TMEM71: variants seen among roughly 807,000 people sequenced by gnomAD.
The protein encoded by TMEM71 is transmembrane protein 71.
A neutral mutation model predicts 38.0 loss-of-function variants in TMEM71; 44 were observed. The observed-to-expected ratio is 1.16, with a 90% CI of 0.91 to 1.49. The LOEUF (loss-of-function observed/expected upper bound fraction) is 1.49, where lower values mean the gene tolerates loss of function less well. Ranked by LOEUF, TMEM71 falls within the 40% of genes most tolerant of loss-of-function variation. The pLI, the probability that TMEM71 is intolerant of heterozygous loss-of-function variation, is 0.00. For synonymous variants in TMEM71, 133 were observed against 122.5 expected (o/e 1.09, Z -0.56); for missense variants, 367 against 348.6 (o/e 1.05, Z -0.42).
chr8:132,757,220 G>A lies in TMEM71; in HGVS notation c.101+14C>T, dbSNP rs372038142. 45 of 1,595,012 alleles carry A rather than the reference G, an allele frequency of 2.8e-5. No homozygotes were observed. In the African/African-American group the frequency reaches 5.6e-4, roughly 20 times the overall value. Reference sequence around the variant, plus strand: ...CAGAATGATTATTTTTTTAAAAGAAGCCCCATAGTATACCTTGGGAAAATG... The same window carrying A: ...CAGAATGATTATTTTTTTAAAAGAAACCCCATAGTATACCTTGGGAAAATG... On this transcript the variant is annotated intron_variant, in intron 3 of 9. Coordinates refer to ENST00000677595, the MANE Select transcript of TMEM71 (RefSeq NM_001382403.1).
chr8:132,755,171 T>C (rs1200833168), intron 3 of TMEM71, among the ~76,000 whole-genome samples: 1 of 152,192 alleles, frequency 6.6e-6, no homozygotes, highest in Non-Finnish European at 1.5e-5. Flanking sequence ...GTCTTCAACA[T>C]TCAACAGTTA....
chr8:132,741,289 G>C (rs917669402), intron 5 of TMEM71, among the ~76,000 whole-genome samples: 12 of 152,210 alleles, frequency 7.9e-5, no homozygotes, highest in African/African-American at 2.4e-4. Context: ...CTTGAACCAG[G>C]GAGACGGAGG....
the TMEM71 span, among the ~76,000 whole-genome samples, chr8:132,773,661 G>A: frequency 6.6e-6 from 1 of 152,192 alleles, no homozygotes. Flanking sequence ...TGCCACAGAT[G>A]TGGGAGAAAA....
At chr8:132,761,545 G>A (rs143986711), upstream of TMEM71, among the ~76,000 whole-genome samples, 2,923 of 152,296 alleles carry the variant, frequency 0.019, 50 homozygotes, top group Non-Finnish European at 0.027. Context: ...TCCCCCTGAG[G>A]TTCTGCCACA....
Position 132,751,821 on chromosome 8 carries a change from G to T in TMEM71, c.278C>A (p.Ser93Tyr). 2 of 1,613,842 alleles carry T rather than the reference G, an allele frequency of 1.2e-6. No homozygotes were observed. The highest frequency in any genetic ancestry group is 8.5e-7 in the Non-Finnish European group (1 of 1,180,040). The change falls in exon 4 of 10, where the codon TCC becomes TAC. Residue 93 changes from serine to tyrosine, a missense_variant. By Grantham distance (144) the Ser-to-Tyr change is moderately radical (BLOSUM62 -2). Transcript: ENST00000677595. ...CTCCTTATACATAACGCTGGTCTGG[G>T]ATGGGTTCAGAGTTATGTTGCCATC... ...DKDGNITLNP[S>Y]QTSVMYKENL...
chr8:132,775,422 G>GGCGATGGCA, the TMEM71 span: 2 of 385,396 alleles, frequency 5.2e-6, no homozygotes, highest in South Asian at 1.3e-4. Flanking sequence ...CGGCGGCGGC[G>GGCGATGGCA]GCGATGGCAG....
At chr8:132,756,911 A>G (rs896096275) in intron 3 of TMEM71, among the ~76,000 whole-genome samples, 1 of 151,360 alleles carries the variant, frequency 6.6e-6, no homozygotes, top group Non-Finnish European at 1.5e-5. Flanking sequence ...TTTTTTAGAC[A>G]AGTCTCTCTC....
chr8:132,740,619 G>A (rs889938264), intron 5 of TMEM71, among the ~76,000 whole-genome samples: 2 of 152,178 alleles, frequency 1.3e-5, no homozygotes, highest in African/African-American at 4.8e-5. Context: ...CATAAGTAAA[G>A]CCACAGATGT....
chr8:132,736,158 C>T (rs1827733234), intron 5 of TMEM71, among the ~76,000 whole-genome samples: 1 of 152,210 alleles, frequency 6.6e-6, no homozygotes, highest in African/African-American at 2.4e-5. Context: ...GCCACAACTT[C>T]TCTCTTACTG....
At chr8:132,724,819 A>G (rs1827047820) in intron 6 of TMEM71, among the ~76,000 whole-genome samples, 2 of 152,134 alleles carry the variant, frequency 1.3e-5, no homozygotes, top group African/African-American at 4.8e-5. Flanking sequence ...CCCTCCATTC[A>G]GGGTCCCTGA....
rs138643624 is a variant in TMEM71, at chr8:132,729,796, A to G, written c.488-1810T>C. 3.9e-3 allele frequency among the ~76,000 whole-genome samples: 599 copies of G among 152,248 alleles called. 4 individuals are homozygous for G. The highest frequency in any genetic ancestry group is 0.014 in the African/African-American group (574 of 41,536). ...CAGAAAATTAAAACCGAGTTTCTGTAGGGACTCAAAATGCTATTTCCTCAA... is the reference window on the plus strand; with the variant it reads ...CAGAAAATTAAAACCGAGTTTCTGTGGGGACTCAAAATGCTATTTCCTCAA... On this transcript the variant is annotated intron_variant, in intron 5 of 9. Coordinates refer to ENST00000677595, the MANE Select transcript of TMEM71 (RefSeq NM_001382403.1).
At chr8:132,761,007 G>A (rs1278283743), upstream of TMEM71, among the ~76,000 whole-genome samples, 1 of 152,188 alleles carries the variant, frequency 6.6e-6, no homozygotes, top group East Asian at 1.9e-4. Context: ...TAAATAGCAA[G>A]AGCTTGATCT....
intron 5 of TMEM71, among the ~76,000 whole-genome samples, chr8:132,730,135 T>G (rs549088574): frequency 6.6e-6 from 1 of 152,094 alleles, no homozygotes; most frequent in African/African-American, 2.4e-5. Flanking sequence ...ATTTTGTATT[T>G]TTAGTTGAGA....
At chr8:132,747,555 A>G (rs1425115022) in intron 4 of TMEM71, among the ~76,000 whole-genome samples, 2 of 152,244 alleles carry the variant, frequency 1.3e-5, no homozygotes, top group Non-Finnish European at 1.5e-5. Context: ...AGTAAGTAAC[A>G]TAGTTGGGAT....
intron 9 of TMEM71, among the ~76,000 whole-genome samples, chr8:132,712,067 T>C (rs914272192): frequency 6.6e-6 from 1 of 152,166 alleles, no homozygotes; most frequent in Non-Finnish European, 1.5e-5. Context: ...CAAGAAATGA[T>C]GCAGTAAATA....
At chr8:132,720,667 A>G (rs1171801736) in intron 7 of TMEM71, among the ~76,000 whole-genome samples, 1 of 152,210 alleles carries the variant, frequency 6.6e-6, no homozygotes, top group Non-Finnish European at 1.5e-5. Context: ...CTTAATTAGA[A>G]TCTCAAGAGA....
intron 6 of TMEM71, among the ~76,000 whole-genome samples, chr8:132,726,240 A>G (rs1342700978): frequency 7.2e-5 from 11 of 152,112 alleles, no homozygotes; most frequent in East Asian, 5.8e-4. Flanking sequence ...TGGAAAGGGA[A>G]CTATAAAAAA....
chr8:132,730,891 G>C (rs1827418909), intron 5 of TMEM71, among the ~76,000 whole-genome samples: 1 of 152,090 alleles, frequency 6.6e-6, no homozygotes, highest in Admixed American at 6.5e-5. Flanking sequence ...ATGTGTGCAT[G>C]TGTGTGTTTG....
intron 5 of TMEM71, among the ~76,000 whole-genome samples, chr8:132,741,985 C>T (rs531536114): frequency 1.8e-4 from 27 of 152,338 alleles, no homozygotes; most frequent in African/African-American, 6.3e-4. Context: ...CAGACGCTGG[C>T]GTCACCACTA....
Sources: gnomAD v4.1 joint callset for allele counts (sites outside exome capture counted in the v4.1 genomes callset) on GRCh38, gnomAD v4.1.1 for gene constraint, MANE v1.5 for transcripts, NCBI Gene and HGNC (gene_info 2026-07-23, HGNC 2026-07-21) for gene names.